The following PACS2 variants were observed in gnomAD, a reference collection of about 807,000 sequenced individuals.
PACS2 encodes PACS1-like protein.
PACS2 carries 36 observed loss-of-function variants against 113.0 expected under a neutral mutation model. The observed-to-expected ratio is 0.32, with a 90% CI of 0.24 to 0.42. The LOEUF is 0.42. PACS2 is among the 10% of genes least tolerant of loss of function. The pLI is 1.00. For synonymous variants in PACS2, 589 were observed against 536.1 expected (o/e 1.10, Z -1.36); for missense variants, 1,015 against 1,239.5 (o/e 0.82, Z 2.72).
At chr14:105,382,369 C>T (rs1453421158) in intron 13 of PACS2, 108 bp from the exon 14 acceptor site, 2 of 758,724 alleles carry the variant, frequency 2.6e-6, no homozygotes, top group Admixed American at 1.9e-5. Flanking sequence ...TGCCACCGAG[C>T]CTCTGTGGCT....
intron 4 of PACS2, among the ~76,000 whole-genome samples, chr14:105,361,702 C>T (rs1174533500): frequency 6.6e-6 from 1 of 152,116 alleles, no homozygotes; most frequent in Non-Finnish European, 1.5e-5. Flanking sequence ...GTAATCCCAG[C>T]ACTTTGGGAG....
Position 105,341,289 on chromosome 14 carries a change from G to C in PACS2, c.120-7204G>C, listed in dbSNP as rs116855684. Among the ~76,000 whole-genome samples the C allele has an allele frequency of 6.6e-4, 100 of 152,260 alleles. 1 individual carries two copies. In the East Asian group the frequency reaches 0.018, roughly 27 times the overall value. On this transcript the variant is annotated intron_variant, in intron 1 of 24. Transcript: ENST00000447393. The stretch of plus-strand genomic sequence containing the variant: ...CAGAAGCCTCTATTCTCTGGGATTC[G>C]GATTCAAGTCGGCTCTTTTATTCAC...
At chr14:105,382,619 T>G in intron 14 of PACS2, 38 bp downstream of exon 14, 8 of 1,302,832 alleles carry the variant, frequency 6.1e-6, no homozygotes, top group Non-Finnish European at 8.9e-6. Flanking sequence ...GGTCAGGGTG[T>G]AGGACAGAGG....
chr14:105,311,823 T>C (rs1318536521), upstream of PACS2, among the ~76,000 whole-genome samples: 2 of 152,166 alleles, frequency 1.3e-5, no homozygotes, highest in African/African-American at 2.4e-5. Context: ...CTGCTGTACC[T>C]TTTTTGTGAC....
At chr14:105,360,709 A>C (rs1293766587) in intron 4 of PACS2, among the ~76,000 whole-genome samples, 1 of 152,156 alleles carries the variant, frequency 6.6e-6, no homozygotes, top group Non-Finnish European at 1.5e-5. Flanking sequence ...AAAACAAGAA[A>C]GAAGTTTCCT....
At chr14:105,309,930 C>T (rs1479329583), upstream of PACS2, among the ~76,000 whole-genome samples, 2 of 151,574 alleles carry the variant, frequency 1.3e-5, no homozygotes, top group Non-Finnish European at 2.9e-5. The surrounding 1 kb of genome is among the most constrained non-coding windows in gnomAD (Gnocchi z 4.0). Flanking sequence ...GGACTACAGG[C>T]GCCCGCCACC....
rs1361147169 is a variant in PACS2, at chr14:105,376,985, C to G, written c.959+60C>G. ...CATTTCAGATGCCCCGGCCACTCTG[C>G]GACCACTCTGGCAGACCCATGTCCA... On this transcript the variant is annotated intron_variant, in intron 9 of 24. Transcript: ENST00000447393. This position sits in a 1 kb window ranked among gnomAD's most constrained non-coding sequence, Gnocchi z 4.7. 2 of 1,502,568 alleles carry G rather than the reference C, an allele frequency of 1.3e-6. No individual in the cohort carries two copies. The allele number at this position is 1,502,568 out of a possible 1,614,324, so 93.1% of individuals were successfully genotyped here.
At chr14:105,321,659 C>A (rs946532639) in intron 1 of PACS2, among the ~76,000 whole-genome samples, 1 of 151,628 alleles carries the variant, frequency 6.6e-6, no homozygotes, top group Non-Finnish European at 1.5e-5. Flanking sequence ...CACTAACGCC[C>A]CGTCACTTAA....
At chr14:105,345,704 TATG>T (rs1400498725) in intron 1 of PACS2, among the ~76,000 whole-genome samples, 3 of 152,256 alleles carry the variant, frequency 2.0e-5, no homozygotes, top group African/African-American at 7.2e-5. Flanking sequence ...GTATTCTTTG[TATG>T]ATATCAGCTC....
At position 105,365,420 on chromosome 14, in the gene PACS2, C is replaced by T. The variant is rs587638891; in HGVS notation, c.424-1793C>T. Among the ~76,000 whole-genome samples the T allele has an allele frequency of 1.8e-4, 27 of 152,198 alleles. No homozygotes were observed. The highest frequency in any genetic ancestry group is 1.2e-3 in the Admixed American group (18 of 15,296). On this transcript the variant is annotated intron_variant, in intron 4 of 24. Coordinates refer to ENST00000447393, the MANE Select transcript of PACS2 (RefSeq NM_001100913.3). This position sits in a 1 kb window ranked among gnomAD's most constrained non-coding sequence, Gnocchi z 5.1. ...TAGGTCGACCACAGGCTGAGTGGAGCGGGGGCTAATCAACAACCCGCCCCT... is the reference window on the plus strand; with the variant it reads ...TAGGTCGACCACAGGCTGAGTGGAGTGGGGGCTAATCAACAACCCGCCCCT...
At chr14:105,391,342 C>A in intron 21 of PACS2, 93 bp downstream of exon 21, 2 of 1,001,522 alleles carry the variant, frequency 2.0e-6, no homozygotes, top group African/African-American at 1.6e-5. Flanking sequence ...ATCAACCTTT[C>A]AGGGCCTGAG....
At chr14:105,319,643 T>G (rs1355793462) in intron 1 of PACS2, among the ~76,000 whole-genome samples, 1 of 152,246 alleles carries the variant, frequency 6.6e-6, no homozygotes, top group Non-Finnish European at 1.5e-5. Context: ...AAGTTGTTTC[T>G]TTTCAATCCT....
At chr14:105,384,238 G>A in intron 16 of PACS2, 115 bp from the exon 17 acceptor site, 1 of 627,968 alleles carries the variant, frequency 1.6e-6, no homozygotes, top group Non-Finnish European at 2.8e-6. Flanking sequence ...AAGTGGGCTT[G>A]TCTGGAAGGC....
rs2059248903 is a variant in PACS2, at chr14:105,330,113, G to A, written c.119+15076G>A. ...GACAGGGAGCCTCCGAGAAGCCTGGGGTCCGTGTGTGGGAAGGAACGGGGA... is the reference window on the plus strand; with the variant it reads ...GACAGGGAGCCTCCGAGAAGCCTGGAGTCCGTGTGTGGGAAGGAACGGGGA... On this transcript the variant is annotated intron_variant, in intron 1 of 24. Transcript: ENST00000447393. This position sits in a 1 kb window ranked among gnomAD's most constrained non-coding sequence, Gnocchi z 6.9. 6.6e-6 allele frequency among the ~76,000 whole-genome samples: 1 copy of A among 150,950 alleles called. No individual in the cohort carries two copies. Among genetic ancestry groups the A allele is most frequent in the African/African-American group, 2.4e-5 (1 of 40,932 alleles).
In PACS2 at chr14:105,315,977, G is replaced by A. The variant is rs1328323516; in HGVS notation, c.119+940G>A. On this transcript the variant is annotated intron_variant, in intron 1 of 24. Coordinates refer to ENST00000447393, the MANE Select transcript of PACS2 (RefSeq NM_001100913.3). The surrounding 1 kb of genome is among the most constrained non-coding windows in gnomAD (Gnocchi z 4.4). ...GCACTGGAAGTGGCCAGTATGCCTG[G>A]AGGGGACCCCACGTGGCATTGAGTT... Among the ~76,000 whole-genome samples the A allele has an allele frequency of 6.6e-6, 1 of 152,214 alleles. No individual in the cohort carries two copies. The highest frequency in any genetic ancestry group is 1.5e-5 in the Non-Finnish European group (1 of 68,036).
chr14:105,312,553 G>A (rs1197594561), upstream of PACS2, among the ~76,000 whole-genome samples: 1 of 152,170 alleles, frequency 6.6e-6, no homozygotes, highest in Non-Finnish European at 1.5e-5. Context: ...CTCCAAACAC[G>A]GGGGTGAGGG....
intron 18 of PACS2, 21 bp downstream of exon 18, chr14:105,385,008 A>T: frequency 7.0e-7 from 1 of 1,420,068 alleles, no homozygotes; most frequent in Non-Finnish European, 9.7e-7. Flanking sequence ...GGGCCCAGGC[A>T]CCATACCACA....
intron 1 of PACS2, among the ~76,000 whole-genome samples, chr14:105,321,703 A>G (rs950129680): frequency 1.3e-5 from 2 of 150,568 alleles, no homozygotes; most frequent in African/African-American, 5.0e-5. Flanking sequence ...AGGTACATAC[A>G]TGTTTAGAAT....
chr14:105,319,181 C>T (rs193125484), intron 1 of PACS2, among the ~76,000 whole-genome samples: 311 of 151,924 alleles, frequency 2.0e-3, no homozygotes, highest in Admixed American at 3.9e-3. Flanking sequence ...CTCTTGACCT[C>T]GTGATCCGCC....
Sources: gnomAD v4.1 joint callset for allele counts (sites outside exome capture counted in the v4.1 genomes callset) on GRCh38, gnomAD v4.1.1 for gene constraint, Gnocchi (gnomAD v3.1) non-coding constraint, MANE v1.5 for transcripts, NCBI Gene and HGNC (gene_info 2026-07-23, HGNC 2026-07-21) for gene names.